Variants in TAFA5 observed in about 807,000 individuals in gnomAD.
TAFA5 encodes the protein TAFA chemokine like family member 5.
In TAFA5, 6 loss-of-function variants were observed where a neutral mutation model predicts 15.3. The observed-to-expected ratio is 0.39, with a 90% confidence interval of 0.21 to 0.77. The LOEUF (loss-of-function observed/expected upper bound fraction) is 0.77, where lower values mean the gene tolerates loss of function less well. TAFA5 is among the 30% of genes least tolerant of loss of function. The pLI, the probability that TAFA5 is intolerant of heterozygous loss-of-function variation, is 0.41. For missense variants in TAFA5, 161 were observed against 193.1 expected (o/e 0.83, Z 0.98); for synonymous variants, 103 against 80.7 (o/e 1.28, Z -1.48).
At chr22:48,701,604 G>C (rs1928908103) in intron 2 of TAFA5, among the ~76,000 whole-genome samples, 1 of 152,180 alleles carries the variant, frequency 6.6e-6, no homozygotes, top group African/African-American at 2.4e-5. Context: ...TCCATTCAAG[G>C]GTCGCCCAAC....
chr22:48,553,267 C>G (rs554516573), intron 1 of TAFA5, among the ~76,000 whole-genome samples: 33 of 152,168 alleles, frequency 2.2e-4, no homozygotes, highest in Admixed American at 1.8e-3. Flanking sequence ...TCCGTGGAGG[C>G]CCCCATGCCC....
chr22:48,538,888 A>T (rs1922261913), intron 1 of TAFA5: 3 of 159,004 alleles, frequency 1.9e-5, no homozygotes, highest in African/African-American at 7.2e-5. Context: ...CAGAGCAGGC[A>T]GGTGAATCGT....
chr22:48,536,612 C>T (rs534035410), intron 1 of TAFA5, among the ~76,000 whole-genome samples: 1 of 152,228 alleles, frequency 6.6e-6, no homozygotes, highest in Non-Finnish European at 1.5e-5. Context: ...ATTTCGAAAC[C>T]GCCTGAAGAA....
chr22:48,527,444 G>T (rs533211028), intron 1 of TAFA5, among the ~76,000 whole-genome samples: 9 of 152,336 alleles, frequency 5.9e-5, no homozygotes, highest in Admixed American at 5.9e-4. Flanking sequence ...CAACGGGACC[G>T]TGGACAGTGA....
chr22:48,654,026 GT>G (rs1569065505), intron 2 of TAFA5, among the ~76,000 whole-genome samples: 2 of 151,858 alleles, frequency 1.3e-5, no homozygotes, highest in Non-Finnish European at 2.9e-5. Flanking sequence ...AGGGAAGGGG[GT>G]GGTCTCCTTG....
In TAFA5 at chr22:48,586,069, C is replaced by T. The variant is rs759072208; in HGVS notation, c.113-60528C>T. Among the ~76,000 whole-genome samples the T allele has an allele frequency of 1.4e-4, 21 of 152,340 alleles. No homozygotes were observed. In the East Asian group the frequency reaches 3.7e-3, roughly 27 times the overall value. On this transcript the variant is annotated intron_variant, in intron 1 of 3. Coordinates refer to ENST00000402357, the MANE Select transcript of TAFA5 (RefSeq NM_001082967.3). ...CTGCAGCCTTGTCCCCATCCTCACC[C>T]GGACCCTGACCCTGGCCCTCGCTGG...
intron 3 of TAFA5, among the ~76,000 whole-genome samples, chr22:48,745,408 C>T (rs1376341710): frequency 6.8e-6 from 1 of 147,588 alleles, no homozygotes; most frequent in Non-Finnish European, 1.5e-5. Context: ...TGGGCACACA[C>T]GGCTTTGTCG....
chr22:48,531,480 G>A (rs16999339), intron 1 of TAFA5, among the ~76,000 whole-genome samples: 8 of 152,140 alleles, frequency 5.3e-5, no homozygotes, highest in Non-Finnish European at 7.4e-5. Flanking sequence ...GGCAGACTTC[G>A]AGGTCCCTGA....
rs555039569 is a variant in TAFA5, at chr22:48,627,264, G to A, written c.113-19333G>A. 6.2e-4 allele frequency among the ~76,000 whole-genome samples: 94 copies of A among 152,354 alleles called. 4 individuals are homozygous for A. The highest frequency in any genetic ancestry group is 2.1e-4 in the Non-Finnish European group (14 of 68,028). ...CCCAAGTTGGCTCCTCCCAAGACAG[G>A]AAAGTCTGCAGTAAGAGTCTTGGTA... On this transcript the variant is annotated intron_variant, in intron 1 of 3. Coordinates refer to ENST00000402357, the MANE Select transcript of TAFA5 (RefSeq NM_001082967.3).
At chr22:48,692,303 G>A (rs1424179042) in intron 2 of TAFA5, among the ~76,000 whole-genome samples, 1 of 152,228 alleles carries the variant, frequency 6.6e-6, no homozygotes, top group Non-Finnish European at 1.5e-5. Context: ...CTGCAGCCCT[G>A]GGCCCCTCCC....
At chr22:48,717,545 C>G (rs1929438975) in intron 3 of TAFA5, among the ~76,000 whole-genome samples, 1 of 152,202 alleles carries the variant, frequency 6.6e-6, no homozygotes, top group African/African-American at 2.4e-5. Flanking sequence ...GAAGATTTTT[C>G]TAGGAAAACA....
intron 1 of TAFA5, among the ~76,000 whole-genome samples, chr22:48,608,988 G>A (rs1569045864): frequency 6.6e-6 from 1 of 152,232 alleles, no homozygotes; most frequent in Non-Finnish European, 1.5e-5. Flanking sequence ...GCGTGGGCAG[G>A]TGCTTATTCT....
chr22:48,609,136 G>A (rs554902303), intron 1 of TAFA5, among the ~76,000 whole-genome samples: 10 of 152,336 alleles, frequency 6.6e-5, no homozygotes, highest in African/African-American at 1.4e-4. Context: ...TCGGATGGAT[G>A]TGCGTAAACA....
chr22:48,711,137 G>A (rs538556720), intron 3 of TAFA5, among the ~76,000 whole-genome samples: 1 of 152,292 alleles, frequency 6.6e-6, no homozygotes, highest in East Asian at 1.9e-4. Context: ...GAGTCTGACT[G>A]TAGCAGGACA....
At chr22:48,632,617 A>G (rs1926273093) in intron 1 of TAFA5, among the ~76,000 whole-genome samples, 2 of 152,152 alleles carry the variant, frequency 1.3e-5, no homozygotes, top group East Asian at 1.9e-4. Context: ...CTGGGTGTTG[A>G]AGGGTCCCCT....
chr22:48,577,240 T>C (rs999980413), intron 1 of TAFA5, among the ~76,000 whole-genome samples: 1 of 152,166 alleles, frequency 6.6e-6, no homozygotes, highest in Non-Finnish European at 1.5e-5. Flanking sequence ...GGAGAGGCCC[T>C]TTGTACTGGG....
chr22:48,602,068 G>T (rs906026443), intron 1 of TAFA5, among the ~76,000 whole-genome samples: 1 of 152,158 alleles, frequency 6.6e-6, no homozygotes, highest in Non-Finnish European at 1.5e-5. Flanking sequence ...CTTCATCAAG[G>T]GCAACTACAG....
At chr22:48,650,835 C>T (rs973424848) in intron 2 of TAFA5, among the ~76,000 whole-genome samples, 1 of 152,210 alleles carries the variant, frequency 6.6e-6, no homozygotes, top group Admixed American at 6.5e-5. Flanking sequence ...CTGAGGCAGG[C>T]ACCCAGGTGC....
intron 1 of TAFA5, among the ~76,000 whole-genome samples, chr22:48,577,199 C>G (rs931565733): frequency 2.6e-5 from 4 of 152,240 alleles, no homozygotes; most frequent in African/African-American, 9.6e-5. Flanking sequence ...ACTATTGAGG[C>G]GCCCAGGATA....
Sources: allele counts gnomAD v4.1 joint callset (sites outside exome capture counted in the v4.1 genomes callset), GRCh38; gene constraint gnomAD v4.1.1; transcripts MANE v1.5; gene names NCBI Gene and HGNC (gene_info 2026-07-23, HGNC 2026-07-21).